Variants in MAP4 observed in about 807,000 individuals in gnomAD.
MAP4 encodes the protein microtubule associated protein 4, also known as microtubule-associated protein 4.
In MAP4, 76 loss-of-function variants were observed where a neutral mutation model predicts 170.2. The ratio of observed to expected loss-of-function variants is 0.45; its 90% confidence interval spans 0.37 to 0.54. The LOEUF (loss-of-function observed/expected upper bound fraction) is 0.54. Ranked by LOEUF, MAP4 falls within the 20% of genes least tolerant of loss-of-function variation. MAP4 has a pLI of 0.00. For missense variants in MAP4, 2,506 were observed against 2,748.0 expected, an observed-to-expected ratio of 0.91 and a Z score of 1.97; for synonymous variants, 909 against 994.5, an observed-to-expected ratio of 0.91 and a Z score of 1.62.
chr3:47,879,260 A>AT (rs1559873241), intron 10 of MAP4, among the ~76,000 whole-genome samples: 3 of 152,304 alleles, frequency 2.0e-5, no homozygotes, highest in South Asian at 2.1e-4. Flanking sequence ...ACAACAAAGC[A>AT]TAAGTATAAT....
At chr3:48,009,761 C>A (rs1011981664) in intron 1 of MAP4, among the ~76,000 whole-genome samples, 1 of 152,154 alleles carries the variant, frequency 6.6e-6, no homozygotes, top group African/African-American at 2.4e-5. Context: ...CTCACCATCA[C>A]CCCTAGTGAT....
intron 9 of MAP4, among the ~76,000 whole-genome samples, chr3:47,906,264 C>G (rs542555578): frequency 4.6e-5 from 7 of 152,192 alleles, no homozygotes; most frequent in South Asian, 4.1e-4. Context: ...GAGATTCTTA[C>G]TCCGGAGCCC....
At chr3:47,992,427 T>C (rs2100092880) in intron 2 of MAP4, among the ~76,000 whole-genome samples, 1 of 152,030 alleles carries the variant, frequency 6.6e-6, no homozygotes, top group African/African-American at 2.4e-5. Context: ...TAAACTTTAT[T>C]ATTATTATTA....
intron 10 of MAP4, among the ~76,000 whole-genome samples, chr3:47,881,727 T>C (rs947186138): frequency 6.6e-6 from 1 of 151,280 alleles, no homozygotes; most frequent in Non-Finnish European, 1.5e-5. Context: ...CTACCTCAGC[T>C]CCTGAATAGC....
At chr3:47,917,965 G>A (rs184980125) in intron 6 of MAP4, among the ~76,000 whole-genome samples, 1 of 152,064 alleles carries the variant, frequency 6.6e-6, no homozygotes, top group East Asian at 1.9e-4. Flanking sequence ...CTAGTAGCTG[G>A]GATTATAGGT....
At chr3:47,927,230 C>T (rs2100046552) in intron 4 of MAP4, among the ~76,000 whole-genome samples, 1 of 151,584 alleles carries the variant, frequency 6.6e-6, no homozygotes. Flanking sequence ...TACTTTGTAC[C>T]TAGGAAAGCC....
intron 3 of MAP4, among the ~76,000 whole-genome samples, chr3:47,961,340 AAAAC>A (rs550621157): frequency 3.3e-5 from 5 of 152,232 alleles, no homozygotes; most frequent in African/African-American, 9.6e-5. Flanking sequence ...TGATTCTATT[AAAAC>A]AAACAAACAA....
intron 12 of MAP4, 111 bp downstream of exon 12, chr3:47,875,574 T>C (rs956220936): frequency 1.9e-6 from 2 of 1,045,094 alleles, no homozygotes; most frequent in Admixed American, 2.5e-5. Flanking sequence ...TCCCTTGCCT[T>C]TTCCCAATTC....
chr3:47,921,668 A>T (rs1553624098), intron 5 of MAP4, 97 bp downstream of exon 5: 2 of 674,726 alleles, frequency 3.0e-6, no homozygotes, highest in African/African-American at 1.8e-5. Flanking sequence ...TTTCTTGTTA[A>T]TCTTTTGTCA....
intron 2 of MAP4, among the ~76,000 whole-genome samples, chr3:47,983,976 T>C (rs1466774059): frequency 1.3e-5 from 2 of 152,258 alleles, no homozygotes; most frequent in Non-Finnish European, 2.9e-5. Context: ...ACAGTCTTTT[T>C]ATAAATGATC....
intron 3 of MAP4, among the ~76,000 whole-genome samples, chr3:47,969,608 A>G (rs1278948884): frequency 6.6e-6 from 1 of 152,120 alleles, no homozygotes. Flanking sequence ...TGTTAAGTTC[A>G]CTATTTATTC....
chr3:48,029,542 C>T (rs1167471752), intron 1 of MAP4, among the ~76,000 whole-genome samples: 2 of 152,090 alleles, frequency 1.3e-5, no homozygotes, highest in Non-Finnish European at 2.9e-5. Flanking sequence ...AAAGCTTGGT[C>T]CTGACACCTC....
At chr3:48,038,829 C>T (rs113024292) in intron 1 of MAP4, among the ~76,000 whole-genome samples, 189 of 152,162 alleles carry the variant, frequency 1.2e-3, no homozygotes, top group African/African-American at 4.4e-3. Flanking sequence ...AGGCCAAGGG[C>T]GATGGCTCAT....
chr3:47,958,578 GCGA>G (rs1344229189), intron 3 of MAP4, among the ~76,000 whole-genome samples: 1 of 151,982 alleles, frequency 6.6e-6, no homozygotes, highest in Non-Finnish European at 1.5e-5. Flanking sequence ...GTGCAGTGGT[GCGA>G]TCTTGACTCA....
intron 1 of MAP4, among the ~76,000 whole-genome samples, chr3:48,044,636 G>A (rs1199390286): frequency 6.6e-6 from 1 of 151,972 alleles, no homozygotes; most frequent in East Asian, 2.0e-4. Flanking sequence ...AGTGGCACAC[G>A]CCTGTAATCC....
chr3:47,971,179 G>T (rs2100078517), intron 3 of MAP4, among the ~76,000 whole-genome samples: 1 of 152,204 alleles, frequency 6.6e-6, no homozygotes, highest in Non-Finnish European at 1.5e-5. Flanking sequence ...TGAAAGAAAA[G>T]AAATAAAACT....
chr3:48,055,057 CCA>C (rs2100130039), intron 1 of MAP4, among the ~76,000 whole-genome samples: 1 of 152,170 alleles, frequency 6.6e-6, no homozygotes, highest in Non-Finnish European at 1.5e-5. Context: ...AGACAGAAAG[CCA>C]AGTAGGGTAT....
At position 48,026,322 on chromosome 3, in the gene MAP4, G is replaced by T. The variant is rs181215039; in HGVS notation, c.-19-27443C>A. Among the ~76,000 whole-genome samples the T allele has an allele frequency of 9.9e-5, 15 of 152,194 alleles. No individual in the cohort carries two copies. The South Asian group carries it at 2.5e-3, about 25-fold the overall frequency. On this transcript the variant is annotated intron_variant, in intron 1 of 18. Coordinates refer to the MAP4 transcript ENST00000360240. Reference sequence around the variant, plus strand: ...TCCCACAAGAGACTACATCATAAACGCTCATATTTATTACATCCCACTCAA... The same window carrying T: ...TCCCACAAGAGACTACATCATAAACTCTCATATTTATTACATCCCACTCAA...
chr3:47,923,347 T>C lies in MAP4; in HGVS notation c.416-1469A>G, dbSNP rs7637110. On this transcript the variant is annotated intron_variant, in intron 4 of 20. Transcript: ENST00000683076. ...CCTCTTTTTGTAAGAAATTTCAGGA[T>C]TAGGGGAGACCACTGCATCGGGAAG... Among the ~76,000 whole-genome samples, 1,326 of 150,922 alleles carry C rather than the reference T, an allele frequency of 8.8e-3. 20 individuals are homozygous for C. Among genetic ancestry groups the C allele is most frequent in the African/African-American group, 0.031 (1,256 of 41,030 alleles).
Sources: allele counts gnomAD v4.1 joint callset (sites outside exome capture counted in the v4.1 genomes callset), GRCh38; gene constraint gnomAD v4.1.1; transcripts MANE v1.5; gene names NCBI Gene and HGNC (gene_info 2026-07-23, HGNC 2026-07-21).